Variants in MYO19 observed in about 807,000 individuals in gnomAD.
MYO19 encodes the protein myosin XIX, also known as unconventional myosin-XIX.
In MYO19, 132 loss-of-function variants were observed where a neutral mutation model predicts 129.2. That is an observed-to-expected ratio of 1.02 (90% CI 0.89 to 1.18). The LOEUF (loss-of-function observed/expected upper bound fraction) is 1.18. MYO19 is among the 50% of genes most tolerant of loss of function. The pLI is 0.00. For missense variants in MYO19, 1,210 were observed against 1,216.7 expected, an observed-to-expected ratio of 0.99 and a Z score of 0.08; for synonymous variants, 531 against 477.2, an observed-to-expected ratio of 1.11 and a Z score of -1.47.
At chr17:36,512,979 G>T in intron 11 of MYO19, 1 of 739,096 alleles carries the variant, frequency 1.4e-6, no homozygotes, top group Non-Finnish European at 1.8e-6. Context: ...TCACCACTTA[G>T]TGGTATCTGA....
intron 6 of MYO19, among the ~76,000 whole-genome samples, chr17:36,517,771 T>C (rs955166883): frequency 6.6e-6 from 1 of 152,080 alleles, no homozygotes; most frequent in Non-Finnish European, 1.5e-5. Flanking sequence ...GGAGAAGGGA[T>C]CTTCGGGAGG....
chr17:36,500,666 A>AT (rs755988468), intron 23 of MYO19, 164 bp downstream of exon 23: 255 of 982,310 alleles, frequency 2.6e-4, no homozygotes, highest in Non-Finnish European at 3.6e-4. Flanking sequence ...GAGAGACGTT[A>AT]TGAGTGAGGG....
At chr17:36,525,373 G>T (rs542748297) in intron 5 of MYO19, 32 bp from the exon 6 acceptor site, 2 of 1,461,508 alleles carry the variant, frequency 1.4e-6, no homozygotes, top group African/African-American at 1.4e-5. Flanking sequence ...GGTCATGTGA[G>T]GGAATGCCTG....
intron 2 of MYO19, among the ~76,000 whole-genome samples, chr17:36,540,090 G>A (rs1317580899): frequency 2.0e-5 from 3 of 152,130 alleles, no homozygotes; most frequent in Non-Finnish European, 4.4e-5. Context: ...CATGGGCAGA[G>A]AGCTGGAGAG....
chr17:36,500,849 G>A lies in MYO19; in HGVS notation c.2358C>T (p.Ala786=), dbSNP rs201331709. The A allele has an allele frequency of 1.5e-5, 24 of 1,598,682 alleles. No individual in the cohort carries two copies. Among genetic ancestry groups the A allele is most frequent in the Admixed American group, 1.2e-4 (7 of 58,984 alleles). ...ACCTACCTGCCTGGATGAGCATGAC[G>A]GCCCGCCACTGCCGCTCCTGCTCTC... ...RHREQERQWR[A]VMLIQAAIRS... The change falls in exon 23 of 26, where the codon GCC becomes GCT. Residue 786 remains alanine (A), a synonymous_variant. Coordinates refer to ENST00000614623, the MANE Select transcript of MYO19 (RefSeq NM_001163735.2).
rs1410864957 is a variant in MYO19 at position 36,498,477 on chromosome 17, G to A, written c.2546C>T (p.Thr849Ile). 2 of 1,613,974 alleles carry A rather than the reference G, an allele frequency of 1.2e-6. No individual in the cohort carries two copies. The highest frequency in any genetic ancestry group is 1.3e-5 in the African/African-American group (1 of 74,946). ...CAGGAGCCTGGTCTGCAGCGGCGAG[G>A]TGCTCAGGGAACAGGGAGCTTGAGA... is the stretch of plus-strand genomic sequence containing the variant. The part of the protein sequence containing the change: ...HFSQAPCSLS[T>I]SPLQTRLLEA... Residue 849 changes from threonine (T) to isoleucine (I), a missense_variant, in exon 25 of 26, where the codon ACC (threonine) becomes ATC (isoleucine). Thr to Ile is a moderately conservative substitution (Grantham distance 89). Transcript: ENST00000614623.
chr17:36,512,917 G>A (rs1259097504), intron 11 of MYO19: 1 of 929,008 alleles, frequency 1.1e-6, no homozygotes, highest in East Asian at 6.5e-5. Flanking sequence ...GCACGGGTTG[G>A]GGGAAGACAG....
chr17:36,518,482 C>A, intron 6 of MYO19, among the ~76,000 whole-genome samples: 1 of 89,538 alleles, frequency 1.1e-5, no homozygotes, highest in African/African-American at 4.6e-5. Context: ...GCCAGAGGAT[C>A]TCAGAGGAAA....
Position 36,496,369 on chromosome 17 carries a change from C to T in MYO19, c.2795G>A (p.Arg932Gln), listed in dbSNP as rs374818551. 22 of 1,613,896 alleles carry T rather than the reference C, an allele frequency of 1.4e-5. No homozygotes were observed. The highest frequency in any genetic ancestry group is 6.7e-5 in the East Asian group (3 of 44,876). The change falls in exon 26 of 26, where the codon CGG becomes CAG. Residue 932 changes from arginine to glutamine, a missense_variant. Transcript: ENST00000614623. ...IKFHCRKSPL[R>Q]YADICPEPSP... is the part of the protein sequence containing the mutation. ...AGGTTCAGGGCAGATGTCAGCATAC[C>T]GCAGTGGAGACTTTCTGCAGTGAAA...
upstream of MYO19, chr17:36,537,592 C>G: frequency 1.2e-6 from 2 of 1,614,138 alleles, no homozygotes; most frequent in Non-Finnish European, 1.7e-6. Context: ...CTCTATGGGA[C>G]AGGAGCAATG....
In MYO19 at chr17:36,527,760, C is replaced by CA. The variant is rs1254875316; in HGVS notation, c.152-62dup. On this transcript the variant is annotated intron_variant, in intron 4 of 25. Coordinates refer to ENST00000614623, the MANE Select transcript of MYO19 (RefSeq NM_001163735.2). ...AATATAGTCAAACCACACACACAGACACACATCTACTTAAGTAACAGCCCT... is the reference window on the plus strand; with the variant it reads ...AATATAGTCAAACCACACACACAGACAACACATCTACTTAAGTAACAGCCCT... 5 of 1,528,390 alleles carry CA rather than the reference C, an allele frequency of 3.3e-6. No individual in the cohort carries two copies. The East Asian group carries it at 1.1e-4, about 35-fold the overall frequency. The allele number at this position is 1,528,390 out of a possible 1,614,324, so 94.7% of individuals were successfully genotyped here.
chr17:36,525,240 A>C lies in MYO19; in HGVS notation c.402T>G (p.Ser134Arg), dbSNP rs1457561981. The part of the protein sequence containing the change: ...VNQSIVVSGE[S>R]GAGKTWTSRC... ...GACGTCTTCCTACCTTTCCAGCACC[A>C]CTCTCTCCACTGACAACAATAGACT... Residue 134 changes from serine (S) to arginine (R), a missense_variant, in exon 6 of 26, where the codon AGT becomes AGG. By Grantham distance (110) the Ser-to-Arg change is moderately radical. Transcript: ENST00000614623. 1.9e-6 allele frequency: 3 copies of C among 1,612,742 alleles called. No individual in the cohort carries two copies. Among genetic ancestry groups the C allele is most frequent in the Middle Eastern group, 3.3e-4 (2 of 6,062 alleles).
rs755012551 is a variant in MYO19 at position 36,514,527 on chromosome 17, G to A, written c.639C>T (p.Ala213=). The A allele has an allele frequency of 4.8e-5, 77 of 1,612,492 alleles. No homozygotes were observed. The Admixed American group carries it at 7.0e-4, about 15-fold the overall frequency. Reference sequence around the variant, plus strand: ...TCTCTAGGAGGTAGGTCTGGACTGCGGCTCCAGTCATTTGCTGAGCCCTGG... The same window carrying A: ...TCTCTAGGAGGTAGGTCTGGACTGCAGCTCCAGTCATTTGCTGAGCCCTGG... ...QLNRAQQMTG[A]AVQTYLLEKT... Residue 213 remains alanine (A), a synonymous_variant, in exon 9 of 26, where the codon GCC becomes GCT. Transcript: ENST00000614623.
chr17:36,540,837 A>G (rs1184000676), intron 2 of MYO19, among the ~76,000 whole-genome samples: 1 of 152,224 alleles, frequency 6.6e-6, no homozygotes, highest in Non-Finnish European at 1.5e-5. Context: ...TAATGAAACA[A>G]CAAAAAGTCT....
intron 11 of MYO19, chr17:36,513,130 G>A (rs879806666): frequency 5.1e-6 from 7 of 1,377,396 alleles, no homozygotes; most frequent in Admixed American, 3.2e-5. Flanking sequence ...CAAGCAAGGC[G>A]GTAGCACTAG....
Position 36,500,866 on chromosome 17 carries a change from C to G in MYO19, c.2341G>C (p.Glu781Gln), listed in dbSNP as rs536798559. ...AGCATGACGGCCCGCCACTGCCGCT[C>G]CTGCTCTCGGTGCCGGTGTCGCCTC... is the stretch of plus-strand genomic sequence containing the variant. ...GWRRHRHREQ[E>Q]RQWRAVMLIQ... The change falls in exon 23 of 26, where the codon GAG becomes CAG. Residue 781 changes from glutamate (E) to glutamine (Q), a missense_variant. By Grantham distance (29) the Glu-to-Gln change is conservative (BLOSUM62 2). Coordinates refer to ENST00000614623, the MANE Select transcript of MYO19 (RefSeq NM_001163735.2). The G allele has an allele frequency of 2.5e-6, 4 of 1,605,304 alleles. No individual in the cohort carries two copies. The Admixed American group carries it at 6.7e-5, about 27-fold the overall frequency.
rs1464413915 is a variant in MYO19, at chr17:36,527,674, G to A, written c.177C>T (p.Tyr59=). The part of the protein sequence containing the change: ...ETVLRCLQAR[Y]MADTFYTNAG... ...CATTGGTGTAGAATGTGTCTGCCAT[G>A]TACCGGGCCTGCAGGCACCTCAGGA... The change falls in exon 5 of 26, where the codon TAC becomes TAT. Residue 59 remains tyrosine, a synonymous_variant. Transcript: ENST00000614623. 6.2e-7 allele frequency: 1 copy of A among 1,613,582 alleles called. No individual in the cohort carries two copies. The highest frequency in any genetic ancestry group is 1.3e-5 in the African/African-American group (1 of 74,922).
chr17:36,511,732 C>G (rs1325935392), intron 11 of MYO19, among the ~76,000 whole-genome samples: 1 of 152,214 alleles, frequency 6.6e-6, no homozygotes. Context: ...GATGAGAACC[C>G]AGGCTGACTT....
intron 6 of MYO19, among the ~76,000 whole-genome samples, chr17:36,517,299 A>G (rs1163439248): frequency 1.3e-5 from 2 of 152,202 alleles, no homozygotes; most frequent in African/African-American, 4.8e-5. Flanking sequence ...TCTTGCTGTC[A>G]CCCAGGATGG....
Sources: allele counts gnomAD v4.1 joint callset (sites outside exome capture counted in the v4.1 genomes callset), GRCh38; gene constraint gnomAD v4.1.1; transcripts MANE v1.5; gene names NCBI Gene and HGNC (gene_info 2026-07-23, HGNC 2026-07-21).